The following LSM14B variants were observed in gnomAD, a reference collection of about 807,000 sequenced individuals.
The protein encoded by LSM14B is protein LSM14 homolog B.
A neutral mutation model predicts 42.1 loss-of-function variants in LSM14B; 8 were observed. The ratio of observed to expected loss-of-function variants is 0.19; its 90% CI spans 0.11 to 0.34. The LOEUF is 0.34. Among genes scored for constraint, LSM14B ranks in the 10% least tolerant of loss-of-function variants. The pLI, the probability that LSM14B is intolerant of heterozygous loss-of-function variation, is 1.00. For missense variants in LSM14B, 396 were observed against 513.1 expected (o/e 0.77, Z 2.21); for synonymous variants, 219 against 209.7 (o/e 1.04, Z -0.38).
At chr20:62,126,904 T>C (rs1455834904) in intron 3 of LSM14B, among the ~76,000 whole-genome samples, 1 of 151,970 alleles carries the variant, frequency 6.6e-6, no homozygotes, top group Non-Finnish European at 1.5e-5. Flanking sequence ...GGTTGAGGCA[T>C]GAGAATTGCT....
chr20:62,132,742 C>T lies in LSM14B; in HGVS notation c.987-548C>T, dbSNP rs558402029. ...GTGCTGCTGGAGCTGTTGTCTGCGT[C>T]GGTAGGAGTGCTGGGTGGGAGTGCT... On this transcript the variant is annotated intron_variant, in intron 7 of 8. Coordinates refer to ENST00000279068, the MANE Select transcript of LSM14B (RefSeq NM_144703.3). Among the ~76,000 whole-genome samples, 339 of 152,190 alleles carry T rather than the reference C, an allele frequency of 2.2e-3. 2 individuals are homozygous for T. Among genetic ancestry groups the T allele is most frequent in the Non-Finnish European group, 3.3e-3 (223 of 67,988 alleles).
At chr20:62,123,666 C>T (rs934155563) in intron 1 of LSM14B, among the ~76,000 whole-genome samples, 5 of 152,220 alleles carry the variant, frequency 3.3e-5, no homozygotes, top group African/African-American at 1.2e-4. Context: ...CTGCCTAAGC[C>T]CGTGTGTGTG....
chr20:62,124,025 G>A (rs771250862), intron 1 of LSM14B, among the ~76,000 whole-genome samples: 1 of 152,202 alleles, frequency 6.6e-6, no homozygotes, highest in Non-Finnish European at 1.5e-5. Context: ...AGACTTGGGC[G>A]CTCCTGGAAG....
chr20:62,127,756 G>A, intron 3 of LSM14B: 1 of 1,226,100 alleles, frequency 8.2e-7, no homozygotes, highest in Non-Finnish European at 1.2e-6. Context: ...CTGAGAGCGA[G>A]GGGTAAAGCA....
intron 3 of LSM14B, chr20:62,128,966 T>A: frequency 7.7e-7 from 1 of 1,304,218 alleles, no homozygotes. Context: ...TTACACCCAG[T>A]CCCACATTGT....
intron 2 of LSM14B, among the ~76,000 whole-genome samples, chr20:62,125,886 C>T (rs1430528040): frequency 4.6e-5 from 7 of 152,190 alleles, no homozygotes; most frequent in African/African-American, 1.2e-4. Flanking sequence ...ATAGCAAAAC[C>T]GCGTCTCTAC....
At position 62,129,093 on chromosome 20, in the gene LSM14B, C is replaced by T. The variant is rs138796163; in HGVS notation, c.428-692C>T. 7.0e-5 allele frequency: 73 copies of T among 1,037,422 alleles called. 1 individual carries two copies. The African/African-American group carries it at 1.1e-3, about 16-fold the overall frequency. The allele number at this position is 1,037,422 out of a possible 1,614,324, so 64.3% of individuals were successfully genotyped here. On this transcript the variant is annotated intron_variant, in intron 3 of 8. Transcript: ENST00000279068. The stretch of plus-strand genomic sequence containing the variant: ...GGGCCTGGTTTCTGAGGGTTCATCC[C>T]CTGTGCGTGGGCCTCGGACTGCAGT...
chr20:62,131,889 C>T (rs759322321), intron 7 of LSM14B, among the ~76,000 whole-genome samples: 5 of 152,232 alleles, frequency 3.3e-5, no homozygotes, highest in Admixed American at 6.5e-5. Context: ...ATGGCTAGAA[C>T]GTGCTCACAC....
chr20:62,122,774 C>T lies in LSM14B; in HGVS notation c.108C>T (p.Ser36=), dbSNP rs748030501. 2 of 1,507,082 alleles carry T rather than the reference C, an allele frequency of 1.3e-6. No individual in the cohort carries two copies. The highest frequency in any genetic ancestry group is 1.8e-4 in the Middle Eastern group (1 of 5,654). 93.4% of individuals were successfully genotyped at this position (1,507,082 alleles called of 1,614,324 possible). A position where few individuals can be genotyped will look rare whatever the true frequency, so the allele number is the denominator to read the frequency against. Residue 36 remains serine (S), a synonymous_variant, in exon 1 of 9, where the codon TCC becomes TCT. Transcript: ENST00000279068. The surrounding 1 kb of genome is among the most constrained non-coding windows in gnomAD (Gnocchi z 4.6). ...TCTACACCATCGACACCGACAACTC[C>T]ACCGTGGCGCTCGCCAAAGGTAGCG... is the stretch of plus-strand genomic sequence containing the variant. ...GILYTIDTDN[S]TVALAKVRSF... is the part of the protein sequence containing the mutation.
intron 2 of LSM14B, among the ~76,000 whole-genome samples, chr20:62,125,174 C>T (rs181241637): frequency 2.2e-4 from 34 of 152,330 alleles, no homozygotes; most frequent in Non-Finnish European, 4.0e-4. Flanking sequence ...CCACCACACC[C>T]AGCCTGAGGA....
intron 1 of LSM14B, among the ~76,000 whole-genome samples, chr20:62,123,578 T>C (rs1229876092): frequency 1.3e-5 from 2 of 152,208 alleles, no homozygotes; most frequent in African/African-American, 4.8e-5. Context: ...GTCCAGAGTT[T>C]CTTTGTCTTC....
rs553300646 is a variant in LSM14B, at chr20:62,122,901, G to A, written c.127+108G>A. 411 of 1,015,508 alleles carry A rather than the reference G, an allele frequency of 4.0e-4. No individual in the cohort carries two copies. Among genetic ancestry groups the A allele is most frequent in the Non-Finnish European group, 4.9e-4 (397 of 810,814 alleles). The allele number at this position is 1,015,508 out of a possible 1,614,324, so 62.9% of individuals were successfully genotyped here. The stretch of plus-strand genomic sequence containing the variant: ...CCCCGGAGCCTGGCGCCCAGACCCC[G>A]CCCAGAACCCACCCAGGGCACACCC... On this transcript the variant is annotated intron_variant, in intron 1 of 8. Transcript: ENST00000279068. The surrounding 1 kb of genome is among the most constrained non-coding windows in gnomAD (Gnocchi z 4.6).
chr20:62,129,762 CCCT>C lies in LSM14B; in HGVS notation c.428-17_428-15del, dbSNP rs2056709989. The stretch of plus-strand genomic sequence containing the variant: ...TGCTTCTTTTCTCTCTGTTTTTAAA[CCCT>C]CCTCCCCTCCTCAATTCAGGAGCTG... On this transcript the variant is annotated intron_variant, in intron 3 of 8. Coordinates refer to ENST00000279068, the MANE Select transcript of LSM14B (RefSeq NM_144703.3). The C allele has an allele frequency of 6.3e-7, 1 of 1,583,412 alleles. No individual in the cohort carries two copies. The highest frequency in any genetic ancestry group is 8.6e-7 in the Non-Finnish European group (1 of 1,166,406).
chr20:62,133,378 CG>C lies in LSM14B; in HGVS notation c.1079del (p.Gly360AlafsTer35). 1.2e-6 allele frequency: 2 copies of C among 1,613,280 alleles called. No individual in the cohort carries two copies. Among genetic ancestry groups the C allele is most frequent in the Non-Finnish European group, 1.7e-6 (2 of 1,179,586 alleles). On this transcript the variant is annotated frameshift_variant, in exon 8 of 9. Transcript: ENST00000279068. LOFTEE classifies it high-confidence loss of function. Reference sequence around the variant, plus strand: ...GAGGTTTCTTCGTGGCCGCAGTTCTCGGGGCGGATTCCGAGGAGGCAGGGGC... The same window carrying C: ...GAGGTTTCTTCGTGGCCGCAGTTCTCGGGCGGATTCCGAGGAGGCAGGGGC... ...SGRFLRGRSS[R>X]GGFRGGRGNG...
In LSM14B at chr20:62,134,477, T is replaced by C; in HGVS notation, c.*329T>C. 1.5e-5 allele frequency: 3 copies of C among 204,856 alleles called. No individual in the cohort carries two copies. The highest frequency in any genetic ancestry group is 6.3e-5 in the Admixed American group (1 of 15,996). 12.7% of individuals were successfully genotyped at this position (204,856 alleles called of 1,614,324 possible). A position where few individuals can be genotyped will look rare whatever the true frequency, so the allele number is the denominator to read the frequency against. On this transcript the variant is annotated 3_prime_UTR_variant, in exon 9 of 9. Coordinates refer to ENST00000279068, the MANE Select transcript of LSM14B (RefSeq NM_144703.3). ...AAGCTGAATCCTTACTTTGTGACTT[T>C]TTTTTTTTTTTTTAATGACAAGCTT...
At chr20:62,133,504 G>C in intron 8 of LSM14B, 29 bp downstream of exon 8, 1 of 1,598,328 alleles carries the variant, frequency 6.3e-7, no homozygotes, top group Non-Finnish European at 8.5e-7. Flanking sequence ...TGGACGCTTT[G>C]GTGGGAGGGT....
At chr20:62,125,040 C>A (rs1250359409) in intron 2 of LSM14B, among the ~76,000 whole-genome samples, 1 of 152,134 alleles carries the variant, frequency 6.6e-6, no homozygotes, top group East Asian at 1.9e-4. Context: ...ACCACCATGC[C>A]CAGCTAATTT....
chr20:62,133,369 C>T lies in LSM14B; in HGVS notation c.1066C>T (p.Arg356Cys), dbSNP rs544092791. 112 of 1,612,792 alleles carry T rather than the reference C, an allele frequency of 6.9e-5. No individual in the cohort carries two copies. The highest frequency in any genetic ancestry group is 9.2e-5 in the Non-Finnish European group (108 of 1,179,406). The change falls in exon 8 of 9, where the codon CGC (arginine) becomes TGC (cysteine). Residue 356 changes from arginine to cysteine, a missense_variant. Coordinates refer to ENST00000279068, the MANE Select transcript of LSM14B (RefSeq NM_144703.3). The stretch of plus-strand genomic sequence containing the variant: ...GGTGTCAGGGAGGTTTCTTCGTGGC[C>T]GCAGTTCTCGGGGCGGATTCCGAGG... ...FGVSGRFLRG[R>C]SSRGGFRGGR...
At chr20:62,127,827 G>C (rs1018091959) in intron 3 of LSM14B, 30 of 755,182 alleles carry the variant, frequency 4.0e-5, no homozygotes, top group Non-Finnish European at 6.9e-5. Flanking sequence ...CCGCTGAGCT[G>C]CTTGTTTTGC....
Sources: gnomAD v4.1 joint callset for allele counts (sites outside exome capture counted in the v4.1 genomes callset) on GRCh38, gnomAD v4.1.1 for gene constraint, Gnocchi (gnomAD v3.1) non-coding constraint, MANE v1.5 for transcripts, NCBI Gene and HGNC (gene_info 2026-07-23, HGNC 2026-07-21) for gene names.